RNF180: variants seen among roughly 807,000 people sequenced by gnomAD.
RNF180 encodes E3 ubiquitin-protein ligase RNF180.
A neutral mutation model predicts 59.2 loss-of-function variants in RNF180; 38 were observed. The observed-to-expected ratio is 0.64, with a 90% CI of 0.50 to 0.84. The LOEUF (loss-of-function observed/expected upper bound fraction) is 0.84, where lower values mean the gene tolerates loss of function less well. Ranked by LOEUF, RNF180 falls within the 40% of genes least tolerant of loss-of-function variation. The probability of loss-of-function intolerance (pLI) is 0.00; values close to 1 mark genes in which losing one functional copy is unlikely to be tolerated. For synonymous variants in RNF180, 262 were observed against 240.3 expected, an observed-to-expected ratio of 1.09 and a Z score of -0.84; for missense variants, 705 against 700.9, an observed-to-expected ratio of 1.01 and a Z score of -0.07.
At chr5:64,341,202 C>T (rs556521183) in intron 7 of RNF180, among the ~76,000 whole-genome samples, 137 of 152,226 alleles carry the variant, frequency 9.0e-4, no homozygotes, top group Non-Finnish European at 1.2e-3. Context: ...GGTGTGAAAG[C>T]GTGGTGGCCA....
chr5:64,301,035 A>G (rs1244854417), intron 5 of RNF180, among the ~76,000 whole-genome samples: 1 of 151,644 alleles, frequency 6.6e-6, no homozygotes, highest in Non-Finnish European at 1.5e-5. Context: ...TAAATTCCAG[A>G]TTGTTAAAGG....
chr5:64,195,707 A>C (rs996375907), intron 1 of RNF180, among the ~76,000 whole-genome samples: 3 of 152,246 alleles, frequency 2.0e-5, no homozygotes, highest in African/African-American at 7.2e-5. Context: ...AATGTGAGCT[A>C]TACAGACATT....
intron 5 of RNF180, among the ~76,000 whole-genome samples, chr5:64,262,541 G>A (rs886491139): frequency 1.1e-4 from 16 of 152,094 alleles, no homozygotes; most frequent in African/African-American, 3.9e-4. Context: ...TTTGAAATAT[G>A]TGTGATTTAC....
intron 1 of RNF180, among the ~76,000 whole-genome samples, chr5:64,174,983 T>TC (rs1750150929): frequency 7.1e-6 from 1 of 140,832 alleles, no homozygotes; most frequent in African/African-American, 2.6e-5. Context: ...TTTTTTTTTT[T>TC]TTGAGACGGA....
chr5:64,229,558 G>A (rs1741988742), intron 5 of RNF180, among the ~76,000 whole-genome samples: 1 of 152,214 alleles, frequency 6.6e-6, no homozygotes, highest in Admixed American at 6.5e-5. Context: ...TCTGTCTCTA[G>A]CTAAGAATCT....
chr5:64,227,422 G>A (rs1741835202), intron 5 of RNF180, among the ~76,000 whole-genome samples: 1 of 152,164 alleles, frequency 6.6e-6, no homozygotes, highest in South Asian at 2.1e-4. Flanking sequence ...ACATGTCCTG[G>A]TCCCGAACAA....
intron 5 of RNF180, among the ~76,000 whole-genome samples, chr5:64,227,979 T>C (rs1470148760): frequency 6.6e-6 from 1 of 152,152 alleles, no homozygotes; most frequent in Non-Finnish European, 1.5e-5. Flanking sequence ...CCTTGTCCCA[T>C]GTGGAGATGC....
chr5:64,190,938 A>T (rs1751117020), intron 1 of RNF180, among the ~76,000 whole-genome samples: 1 of 152,204 alleles, frequency 6.6e-6, no homozygotes, highest in Admixed American at 6.5e-5. Context: ...ACCCAAGCAG[A>T]CTAGTACATA....
intron 5 of RNF180, among the ~76,000 whole-genome samples, chr5:64,264,989 C>T (rs184388513): frequency 1.2e-3 from 181 of 152,170 alleles, no homozygotes; most frequent in Non-Finnish European, 1.5e-3. Flanking sequence ...TGATGATGAG[C>T]TTTTTTCATA....
intron 5 of RNF180, among the ~76,000 whole-genome samples, chr5:64,247,191 G>A (rs560795231): frequency 6.6e-5 from 10 of 152,086 alleles, no homozygotes; most frequent in Non-Finnish European, 1.5e-4. Context: ...CATTCCCTTC[G>A]AAAACCAGCA....
intron 1 of RNF180, among the ~76,000 whole-genome samples, chr5:64,193,574 A>T (rs562311892): frequency 6.6e-6 from 1 of 152,248 alleles, no homozygotes; most frequent in African/African-American, 2.4e-5. Context: ...CCCATTCCCA[A>T]TTGTTTAGGA....
intron 2 of RNF180, among the ~76,000 whole-genome samples, chr5:64,205,278 T>C (rs1387911600): frequency 6.6e-6 from 1 of 152,172 alleles, no homozygotes. Flanking sequence ...GAGCTTTAGT[T>C]ATCCAGCCAC....
chr5:64,327,190 C>T (rs1744684998), intron 6 of RNF180, among the ~76,000 whole-genome samples: 1 of 151,820 alleles, frequency 6.6e-6, no homozygotes, highest in Non-Finnish European at 1.5e-5. Flanking sequence ...TTTTCTTAGT[C>T]TAGCTAATAG....
At position 64,285,590 on chromosome 5, in the gene RNF180, T is replaced by C. The variant is rs73103165; in HGVS notation, c.1228-39596T>C. 8.2e-3 allele frequency among the ~76,000 whole-genome samples: 1,246 copies of C among 152,048 alleles called. 17 individuals are homozygous for C. The highest frequency in any genetic ancestry group is 0.029 in the African/African-American group (1,190 of 41,446). On this transcript the variant is annotated intron_variant, in intron 5 of 7. Coordinates refer to ENST00000389100, the MANE Select transcript of RNF180 (RefSeq NM_001113561.2). ...CTGATGGTTAGGTGCACTCTGCCAG[T>C]GAAAGAGCTATGATGAGGGACTCCC... is the stretch of plus-strand genomic sequence containing the variant.
intron 5 of RNF180, among the ~76,000 whole-genome samples, chr5:64,323,248 A>G (rs1744461086): frequency 6.6e-6 from 1 of 152,124 alleles, no homozygotes; most frequent in African/African-American, 2.4e-5. Flanking sequence ...TAAGAATACA[A>G]ATAGGATATA....
At chr5:64,364,007 G>T (rs888925273) in intron 7 of RNF180, among the ~76,000 whole-genome samples, 1 of 151,736 alleles carries the variant, frequency 6.6e-6, no homozygotes, top group African/African-American at 2.4e-5. Flanking sequence ...GGGCTATCTA[G>T]ATATAGAATC....
intron 5 of RNF180, among the ~76,000 whole-genome samples, chr5:64,232,530 C>G (rs1238573406): frequency 6.6e-6 from 1 of 152,154 alleles, no homozygotes; most frequent in Non-Finnish European, 1.5e-5. Flanking sequence ...CTTGGTAACT[C>G]TTACATGTTT....
intron 7 of RNF180, among the ~76,000 whole-genome samples, chr5:64,331,084 G>A (rs935609575): frequency 1.3e-5 from 2 of 152,216 alleles, no homozygotes; most frequent in Admixed American, 6.5e-5. Flanking sequence ...TACACTCTCA[G>A]GGCAGTCCTG....
At chr5:64,187,621 T>C (rs74347915) in intron 1 of RNF180, among the ~76,000 whole-genome samples, 3,350 of 152,262 alleles carry the variant, frequency 0.022, 122 homozygotes, top group African/African-American at 0.076. Context: ...AATTATAAAA[T>C]GACAGTTTAG....
Sources: gnomAD v4.1 joint callset for allele counts (sites outside exome capture counted in the v4.1 genomes callset) on GRCh38, gnomAD v4.1.1 for gene constraint, MANE v1.5 for transcripts, NCBI Gene and HGNC (gene_info 2026-07-23, HGNC 2026-07-21) for gene names.